The following HSP90AA1 variants were observed in gnomAD, a reference collection of about 807,000 sequenced individuals.
HSP90AA1 encodes the protein heat shock protein HSP 90-alpha.
In HSP90AA1, 18 loss-of-function variants were observed where a neutral mutation model predicts 73.3. The observed-to-expected ratio is 0.25, with a 90% CI of 0.17 to 0.36. The LOEUF is 0.36. Among genes scored for constraint, HSP90AA1 ranks in the 10% least tolerant of loss-of-function variants. The pLI, the probability that HSP90AA1 is intolerant of heterozygous loss-of-function variation, is 1.00. For missense variants in HSP90AA1, 704 were observed against 874.2 expected (o/e 0.81, Z 2.45); for synonymous variants, 477 against 296.9 (o/e 1.61, Z -6.24).
chr14:102,104,676 G>T (rs1319683169), intron 1 of HSP90AA1, among the ~76,000 whole-genome samples: 3 of 152,094 alleles, frequency 2.0e-5, no homozygotes, highest in South Asian at 2.1e-4. Context: ...CTGTACTCTT[G>T]AATACCAGAA....
At position 102,087,015 on chromosome 14, in the gene HSP90AA1, G is replaced by C. The variant is rs1331941633; in HGVS notation, c.-30C>G. 1 of 985,366 alleles carries C rather than the reference G, an allele frequency of 1.0e-6. No homozygotes were observed. The allele number at this position is 985,366 out of a possible 1,614,324, so 61.0% of individuals were successfully genotyped here. On this transcript the variant is annotated 5_prime_UTR_variant, in exon 1 of 11. Coordinates refer to ENST00000216281, the MANE Select transcript of HSP90AA1 (RefSeq NM_005348.4). ...GCTAAGTGACCGCACAGGACCAACG[G>C]CACAGCCACACCGGGACGCTGAAGC...
chr14:102,101,938 CT>C lies in HSP90AA1; in HGVS notation c.302del (p.Gln101ArgfsTer22), dbSNP rs764790477. On this transcript the variant is annotated frameshift_variant, in exon 2 of 12. Coordinates refer to the HSP90AA1 transcript ENST00000334701. LOFTEE classifies it high-confidence loss of function. ...AGAGGTGTTGCCCTGCACCTTGGCT[CT>C]GTCTGAAGGCCAGTGACGCGGTGAC... 3.8e-5 allele frequency: 62 copies of C among 1,614,072 alleles called. No homozygotes were observed. The highest frequency in any genetic ancestry group is 5.0e-5 in the Non-Finnish European group (59 of 1,180,026).
At chr14:102,095,120 A>G (rs1345822739) in intron 2 of HSP90AA1, among the ~76,000 whole-genome samples, 1 of 152,164 alleles carries the variant, frequency 6.6e-6, no homozygotes, top group Non-Finnish European at 1.5e-5. Flanking sequence ...TGGGCCTCCA[A>G]TGAACAGGAT....
At chr14:102,117,608 G>A (rs533581916) in intron 1 of HSP90AA1, among the ~76,000 whole-genome samples, 14 of 152,146 alleles carry the variant, frequency 9.2e-5, no homozygotes, top group Admixed American at 7.9e-4. Flanking sequence ...TCCTCGGGGC[G>A]GTTCTACCAC....
At chr14:102,090,834 G>A (rs2049347627), upstream of HSP90AA1, among the ~76,000 whole-genome samples, 1 of 152,226 alleles carries the variant, frequency 6.6e-6, no homozygotes, top group Admixed American at 6.5e-5. Flanking sequence ...CAGTGATGTT[G>A]CTGTTAGGGC....
At chr14:102,118,460 T>C (rs2152623594) in intron 1 of HSP90AA1, among the ~76,000 whole-genome samples, 1 of 152,134 alleles carries the variant, frequency 6.6e-6, no homozygotes, top group African/African-American at 2.4e-5. Flanking sequence ...AGTCTGGTCT[T>C]GGACTCCTGG....
upstream of HSP90AA1, among the ~76,000 whole-genome samples, chr14:102,090,348 A>G (rs1171409475): frequency 1.3e-5 from 2 of 152,106 alleles, no homozygotes; most frequent in Admixed American, 1.3e-4. Context: ...TACAGACCAC[A>G]TGTGCTCCTC....
intron 1 of HSP90AA1, 137 bp downstream of exon 1, chr14:102,086,849 G>A (rs1214917325): frequency 5.2e-6 from 2 of 382,162 alleles, no homozygotes; most frequent in East Asian, 1.6e-4. Context: ...CTCCGGAATA[G>A]AAAGCGCGGC....
intron 1 of HSP90AA1, among the ~76,000 whole-genome samples, chr14:102,113,901 G>A (rs552111440): frequency 1.3e-5 from 2 of 152,128 alleles, no homozygotes; most frequent in Admixed American, 6.5e-5. Context: ...TAGTTGAGAC[G>A]AGGTTTCACC....
At chr14:102,098,289 G>A (rs955361024) in intron 2 of HSP90AA1, among the ~76,000 whole-genome samples, 8 of 151,420 alleles carry the variant, frequency 5.3e-5, no homozygotes, top group Non-Finnish European at 1.2e-4. Flanking sequence ...AGCCTCCCGA[G>A]TAGCTGGGAC....
Position 102,081,072 on chromosome 14 carries a change from A to C in HSP90AA1, c.*640T>G, listed in dbSNP as rs777749650. The C allele has an allele frequency of 1.3e-5, 3 of 228,144 alleles. No individual in the cohort carries two copies. The highest frequency in any genetic ancestry group is 6.7e-5 in the African/African-American group (3 of 45,024). The allele number at this position is 228,144 out of a possible 1,614,324, so 14.1% of individuals were successfully genotyped here. ...ATCTTTTAACTCATCTGTATTTGTTACAACTTTAAGCAGAATGTGACTCGA... is the reference window on the plus strand; with the variant it reads ...ATCTTTTAACTCATCTGTATTTGTTCCAACTTTAAGCAGAATGTGACTCGA... On this transcript the variant is annotated 3_prime_UTR_variant, in exon 11 of 11. Transcript: ENST00000216281.
Position 102,101,922 on chromosome 14 carries a change from G to A in HSP90AA1, c.319C>T (p.Gln107Ter), listed in dbSNP as rs61744640. The change falls in exon 2 of 12, where the codon CAA becomes TAA. Residue 107 changes from glutamine to a stop codon, truncating the protein, a stop_gained. Coordinates refer to the HSP90AA1 transcript ENST00000334701. LOFTEE classifies it high-confidence loss of function. ...GGCTGCAGATCCTTGTAGAGGTGTTGCCCTGCACCTTGGCTCTGTCTGAAG... is the reference window on the plus strand; with the variant it reads ...GGCTGCAGATCCTTGTAGAGGTGTTACCCTGCACCTTGGCTCTGTCTGAAG... 1.2e-4 allele frequency: 199 copies of A among 1,614,054 alleles called. No homozygotes were observed. Among genetic ancestry groups the A allele is most frequent in the Non-Finnish European group, 1.6e-4 (191 of 1,180,000 alleles).
At chr14:102,103,559 G>C (rs574550094) in intron 1 of HSP90AA1, among the ~76,000 whole-genome samples, 7 of 151,622 alleles carry the variant, frequency 4.6e-5, no homozygotes, top group African/African-American at 1.7e-4. Flanking sequence ...ATCCCAGTAC[G>C]TTGGGAGGCC....
intron 1 of HSP90AA1, among the ~76,000 whole-genome samples, chr14:102,113,439 G>A (rs924880658): frequency 6.6e-6 from 1 of 151,464 alleles, no homozygotes. Context: ...AGAGTGCAAT[G>A]TTGTGATCTT....
chr14:102,135,919 G>T (rs994267018), intron 1 of HSP90AA1, among the ~76,000 whole-genome samples: 5 of 152,344 alleles, frequency 3.3e-5, no homozygotes, highest in African/African-American at 4.8e-5. Flanking sequence ...CAAGCTGAGG[G>T]AGTGGGCTCC....
intron 1 of HSP90AA1, among the ~76,000 whole-genome samples, chr14:102,110,481 G>A (rs960259970): frequency 1.3e-5 from 2 of 151,852 alleles, no homozygotes; most frequent in Non-Finnish European, 2.9e-5. Flanking sequence ...GTGCAATGGT[G>A]TAATCTCGAC....
upstream of HSP90AA1, among the ~76,000 whole-genome samples, chr14:102,089,276 C>T (rs547021771): frequency 6.6e-6 from 1 of 152,304 alleles, no homozygotes; most frequent in East Asian, 1.9e-4. Flanking sequence ...CCCATTTCTC[C>T]AGTGAACCTG....
intron 1 of HSP90AA1, among the ~76,000 whole-genome samples, chr14:102,137,008 G>C (rs538539725): frequency 6.6e-6 from 1 of 152,246 alleles, no homozygotes; most frequent in African/African-American, 2.4e-5. Context: ...GAGGTCAGGA[G>C]TTCGAGACCA....
intron 8 of HSP90AA1, 95 bp downstream of exon 8, chr14:102,083,451 C>T (rs1371902738): frequency 4.3e-6 from 6 of 1,406,962 alleles, no homozygotes; most frequent in African/African-American, 1.4e-5. Context: ...AGATCAATAC[C>T]AGTTGTAACA....
Sources: gnomAD v4.1 joint callset for allele counts (sites outside exome capture counted in the v4.1 genomes callset) on GRCh38, gnomAD v4.1.1 for gene constraint, MANE v1.5 for transcripts, NCBI Gene and HGNC (gene_info 2026-07-23, HGNC 2026-07-21) for gene names.